Variants in PCDHGA11 observed in about 807,000 individuals in gnomAD.
The protein encoded by PCDHGA11 is protocadherin gamma subfamily A, 11.
PCDHGA11 carries 39 observed loss-of-function variants against 60.4 expected under a neutral mutation model. That is an observed-to-expected ratio of 0.65 (90% confidence interval 0.50 to 0.84). The LOEUF is 0.84. Ranked by LOEUF, PCDHGA11 falls within the 40% of genes least tolerant of loss-of-function variation. The probability of loss-of-function intolerance (pLI) is 0.00; values close to 1 mark genes in which losing one functional copy is unlikely to be tolerated. For missense variants in PCDHGA11, 1,165 were observed against 1,197.7 expected, an observed-to-expected ratio of 0.97 and a Z score of 0.40; for synonymous variants, 533 against 510.3, an observed-to-expected ratio of 1.04 and a Z score of -0.60.
chr5:141,472,980 C>CAAAAAAAAAAAAAAA (rs60579131), intron 1 of PCDHGA11, among the ~76,000 whole-genome samples: 13 of 86,076 alleles, frequency 1.5e-4, no homozygotes, highest in African/African-American at 1.9e-4. Context: ...GAGTGAAACT[C>CAAAAAAAAAAAAAAA]AAAAAAAAAA....
Position 141,423,110 on chromosome 5 carries a change from G to C in PCDHGA11, c.1883G>C (p.Arg628Pro). 6.2e-7 allele frequency: 1 copy of C among 1,613,842 alleles called. No individual in the cohort carries two copies. Among genetic ancestry groups the C allele is most frequent in the Non-Finnish European group, 8.5e-7 (1 of 1,179,980 alleles). Reference protein sequence around the residue: ...FAVGEHTGEVRTARALLDRDA... With the variant: ...FAVGEHTGEVPTARALLDRDA... Reference sequence around the variant, plus strand: ...GTGGGGGAGCACACGGGCGAGGTGCGTACAGCGCGGGCACTGCTGGACAGA... The same window carrying C: ...GTGGGGGAGCACACGGGCGAGGTGCCTACAGCGCGGGCACTGCTGGACAGA... The change falls in exon 1 of 4, where the codon CGT (arginine) becomes CCT (proline). Residue 628 changes from arginine to proline, a missense_variant. By Grantham distance (103) the Arg-to-Pro change is moderately radical (BLOSUM62 -2). Coordinates refer to ENST00000398587, the MANE Select transcript of PCDHGA11 (RefSeq NM_018914.3).
At chr5:141,429,039 A>G (rs565483195) in intron 1 of PCDHGA11, 1 of 152,202 alleles carries the variant, frequency 6.6e-6, no homozygotes, top group East Asian at 1.9e-4. Flanking sequence ...CATTTTTAGT[A>G]CAGACGGGGT....
In PCDHGA11 at chr5:141,491,907, G is replaced by A; in HGVS notation, c.2434-2900G>A. 5 of 1,408,726 alleles carry A rather than the reference G, an allele frequency of 3.5e-6. No homozygotes were observed. In the South Asian group the frequency reaches 7.5e-5, roughly 21 times the overall value. The allele number at this position is 1,408,726 out of a possible 1,614,324, so 87.3% of individuals were successfully genotyped here. A position where few individuals can be genotyped will look rare whatever the true frequency, so the allele number is the denominator to read the frequency against. ...TGGGGCTCCGAGCACCGGGGGTGGTGGCGACTGTGGGCGAGGGGAGGTGGG... is the reference window on the plus strand; with the variant it reads ...TGGGGCTCCGAGCACCGGGGGTGGTAGCGACTGTGGGCGAGGGGAGGTGGG... On this transcript the variant is annotated intron_variant, in intron 1 of 3. Coordinates refer to ENST00000398587, the MANE Select transcript of PCDHGA11 (RefSeq NM_018914.3). This position sits in a 1 kb window ranked among gnomAD's most constrained non-coding sequence, Gnocchi z 6.9.
chr5:141,427,896 C>G, intron 1 of PCDHGA11: 1 of 1,570,508 alleles, frequency 6.4e-7, no homozygotes, highest in East Asian at 2.2e-5. Context: ...CCAGGGCTCG[C>G]CCGCGCTCAG....
In PCDHGA11 at chr5:141,422,950, G is replaced by A. The variant is rs1388735971; in HGVS notation, c.1723G>A (p.Gly575Ser). 1.2e-6 allele frequency: 2 copies of A among 1,614,230 alleles called. No individual in the cohort carries two copies. The highest frequency in any genetic ancestry group is 1.1e-5 in the South Asian group (1 of 91,086). ...YPALPTDGSTGVELAPRSAEP... is the reference protein window; with the variant it reads ...YPALPTDGSTSVELAPRSAEP... ...TGCCCTCCCCACAGACGGCTCCACT[G>A]GCGTGGAGCTGGCGCCCCGCTCTGC... The change falls in exon 1 of 4, where the codon GGC (glycine) becomes AGC (serine). Residue 575 changes from glycine to serine, a missense_variant. Gly to Ser is a moderately conservative substitution (Grantham distance 56). Coordinates refer to ENST00000398587, the MANE Select transcript of PCDHGA11 (RefSeq NM_018914.3).
At chr5:141,492,189 G>A (rs2099737936) in intron 1 of PCDHGA11, among the ~76,000 whole-genome samples, 1 of 152,204 alleles carries the variant, frequency 6.6e-6, no homozygotes, top group East Asian at 1.9e-4. Flanking sequence ...GCACCTGTCT[G>A]CGGGACTTAG....
intron 1 of PCDHGA11, among the ~76,000 whole-genome samples, chr5:141,434,700 G>A (rs1041657389): frequency 6.6e-6 from 1 of 151,780 alleles, no homozygotes; most frequent in Non-Finnish European, 1.5e-5. Context: ...TAATAAATAT[G>A]TGGGTAAATC....
At chr5:141,495,480 C>A (rs2099761689) in intron 2 of PCDHGA11, among the ~76,000 whole-genome samples, 1 of 152,208 alleles carries the variant, frequency 6.6e-6, no homozygotes, top group African/African-American at 2.4e-5. Flanking sequence ...CGTGTCTCTG[C>A]CCCTTTTTCT....
chr5:141,479,813 T>G (rs543146395), intron 1 of PCDHGA11, among the ~76,000 whole-genome samples: 1 of 152,318 alleles, frequency 6.6e-6, no homozygotes, highest in South Asian at 2.1e-4. Flanking sequence ...TATGCAAGGA[T>G]ACTATCCAAG....
At chr5:141,425,069 A>C (rs771114613) in intron 1 of PCDHGA11, among the ~76,000 whole-genome samples, 30 of 152,170 alleles carry the variant, frequency 2.0e-4, no homozygotes, top group Non-Finnish European at 4.1e-4. Context: ...GACAAAAATA[A>C]TTTCAACTGT....
chr5:141,443,243 C>T (rs755331096), intron 1 of PCDHGA11, among the ~76,000 whole-genome samples: 9 of 151,618 alleles, frequency 5.9e-5, no homozygotes, highest in Non-Finnish European at 1.0e-4. Flanking sequence ...CACTTTGGGG[C>T]GCCAAGGCGG....
rs545524357 is a variant in PCDHGA11, at chr5:141,467,902, G to A, written c.2434-26905G>A. ...TCAAACTCCTGAGCTCAAGAAATCC[G>A]CCCACCTCAGCCTCCCAAAATGCTA... On this transcript the variant is annotated intron_variant, in intron 1 of 3. Coordinates refer to ENST00000398587, the MANE Select transcript of PCDHGA11 (RefSeq NM_018914.3). 1.1e-4 allele frequency among the ~76,000 whole-genome samples: 16 copies of A among 151,862 alleles called. No homozygotes were observed. The East Asian group carries it at 2.3e-3, about 22-fold the overall frequency.
chr5:141,470,778 C>A (rs1047167697), intron 1 of PCDHGA11, among the ~76,000 whole-genome samples: 1 of 152,132 alleles, frequency 6.6e-6, no homozygotes, highest in African/African-American at 2.4e-5. Context: ...GTCTTGAATT[C>A]CTGGGCTCAA....
At chr5:141,507,797 C>A (rs933921827) in intron 3 of PCDHGA11, among the ~76,000 whole-genome samples, 1 of 152,240 alleles carries the variant, frequency 6.6e-6, no homozygotes, top group Admixed American at 6.5e-5. Context: ...TCTAAGCCTG[C>A]GCCCTGGGGA....
rs554119295 is a variant in PCDHGA11 at position 141,482,963 on chromosome 5, C to T, written c.2434-11844C>T. 1.7e-4 allele frequency among the ~76,000 whole-genome samples: 10 copies of T among 57,958 alleles called. No homozygotes were observed. In the South Asian group the frequency reaches 4.5e-3, roughly 26 times the overall value. 38.0% of individuals were successfully genotyped at this position (57,958 alleles called of 152,430 possible). On this transcript the variant is annotated intron_variant, in intron 1 of 3. Coordinates refer to ENST00000398587, the MANE Select transcript of PCDHGA11 (RefSeq NM_018914.3). The stretch of plus-strand genomic sequence containing the variant: ...TTGTGGGTGCCTGTAATTCCAGCTA[C>T]TTGAGCAGCTACTTGAGAGGTCGAG...
chr5:141,446,289 G>T (rs1333286399), intron 1 of PCDHGA11, among the ~76,000 whole-genome samples: 1 of 152,112 alleles, frequency 6.6e-6, no homozygotes, highest in Non-Finnish European at 1.5e-5. Flanking sequence ...GATAAATGGG[G>T]AGCAGGGATT....
chr5:141,481,288 A>AGTC (rs2099535099), intron 1 of PCDHGA11, among the ~76,000 whole-genome samples: 1 of 152,188 alleles, frequency 6.6e-6, no homozygotes, highest in Admixed American at 6.5e-5. Flanking sequence ...ATGGTATTTC[A>AGTC]GTCATCTAAG....
chr5:141,437,881 G>A (rs1317504695), intron 1 of PCDHGA11, among the ~76,000 whole-genome samples: 4 of 152,026 alleles, frequency 2.6e-5, no homozygotes, highest in Admixed American at 2.6e-4. Flanking sequence ...GGGACTACAG[G>A]CACACGCCAC....
chr5:141,433,208 C>CA, intron 1 of PCDHGA11: 1 of 1,293,080 alleles, frequency 7.7e-7, no homozygotes, highest in Non-Finnish European at 1.1e-6. Context: ...AATCTTCTTT[C>CA]TTTTTTTTTT....
Sources: gnomAD v4.1 joint callset for allele counts (sites outside exome capture counted in the v4.1 genomes callset) on GRCh38, gnomAD v4.1.1 for gene constraint, Gnocchi (gnomAD v3.1) non-coding constraint, MANE v1.5 for transcripts, NCBI Gene and HGNC (gene_info 2026-07-23, HGNC 2026-07-21) for gene names.